The following RORA variants were observed in gnomAD, a reference collection of about 807,000 sequenced individuals.
RORA encodes nuclear receptor ROR-alpha.
Under a neutral mutation model 69.5 loss-of-function variants are expected in RORA, and 7 were observed. That is an observed-to-expected ratio of 0.10 (90% confidence interval 0.06 to 0.19). RORA has a LOEUF of 0.19. RORA is among the 10% of genes least tolerant of loss of function. RORA has a pLI of 1.00. For synonymous variants in RORA, 261 were observed against 240.8 expected, an observed-to-expected ratio of 1.08 and a Z score of -0.78; for missense variants, 457 against 663.0, an observed-to-expected ratio of 0.69 and a Z score of 3.41.
At chr15:60,810,575 C>T (rs2072729294) in intron 1 of RORA, among the ~76,000 whole-genome samples, 1 of 152,106 alleles carries the variant, frequency 6.6e-6, no homozygotes, top group South Asian at 2.1e-4. Context: ...TTTGCTTCTA[C>T]TCTTCAATTT....
intron 2 of RORA, among the ~76,000 whole-genome samples, chr15:60,666,093 T>A (rs2070376664): frequency 6.6e-6 from 1 of 152,088 alleles, no homozygotes; most frequent in African/African-American, 2.4e-5. Flanking sequence ...CACACTTATT[T>A]AAAATCTACG....
chr15:60,541,324 C>A (rs2066865181), intron 2 of RORA, among the ~76,000 whole-genome samples: 1 of 152,088 alleles, frequency 6.6e-6, no homozygotes, highest in African/African-American at 2.4e-5. Flanking sequence ...AATGGTATTT[C>A]AAAAAATTCT....
At chr15:60,743,884 G>A (rs947621569) in intron 1 of RORA, among the ~76,000 whole-genome samples, 1 of 152,094 alleles carries the variant, frequency 6.6e-6, no homozygotes, top group African/African-American at 2.4e-5. Flanking sequence ...ATTTTATCCT[G>A]GGCCTTATTT....
chr15:60,501,575 A>G (rs752963689), intron 8 of RORA, among the ~76,000 whole-genome samples: 4 of 152,238 alleles, frequency 2.6e-5, no homozygotes, highest in African/African-American at 9.6e-5. Context: ...TTCAGAGCCT[A>G]CACTTTTAAC....
intron 1 of RORA, among the ~76,000 whole-genome samples, chr15:60,907,285 G>A (rs1259569362): frequency 6.6e-6 from 1 of 152,128 alleles, no homozygotes; most frequent in East Asian, 1.9e-4. Context: ...GGCAGTCATT[G>A]GGGATTCATG....
chr15:60,524,778 C>CCTG (rs2141410581), intron 3 of RORA, among the ~76,000 whole-genome samples: 1 of 152,338 alleles, frequency 6.6e-6, no homozygotes, highest in South Asian at 2.1e-4. Flanking sequence ...ATGCTGAGCA[C>CCTG]CTGCTCCCTA....
chr15:60,513,216 C>T (rs947890824), intron 4 of RORA, among the ~76,000 whole-genome samples: 1 of 152,210 alleles, frequency 6.6e-6, no homozygotes, highest in East Asian at 1.9e-4. Flanking sequence ...GGTGGGGCTG[C>T]TCAGGCAGCA....
At position 61,018,174 on chromosome 15, in the gene RORA, G is replaced by A. The variant is rs569153967; in HGVS notation, c.166+210879C>T. Among the ~76,000 whole-genome samples, 379 of 152,192 alleles carry A rather than the reference G, an allele frequency of 2.5e-3. 1 individual carries two copies. Among genetic ancestry groups the A allele is most frequent in the Non-Finnish European group, 4.3e-3 (295 of 68,006 alleles). ...AAAAGTGATAAAATGGAACATCTTCGTAATTGTCCATAATCCAGGCTCCTT... is the reference window on the plus strand; with the variant it reads ...AAAAGTGATAAAATGGAACATCTTCATAATTGTCCATAATCCAGGCTCCTT... On this transcript the variant is annotated intron_variant, in intron 1 of 10. Transcript: ENST00000335670.
intron 1 of RORA, among the ~76,000 whole-genome samples, chr15:61,140,621 T>G (rs761437165): frequency 1.3e-5 from 2 of 151,718 alleles, no homozygotes; most frequent in Non-Finnish European, 2.9e-5. Context: ...GAACTAGAGA[T>G]CTACAAGGGG....
intron 1 of RORA, among the ~76,000 whole-genome samples, chr15:60,973,874 C>T (rs961812652): frequency 3.9e-5 from 6 of 152,314 alleles, no homozygotes; most frequent in South Asian, 4.1e-4. Context: ...CATGGGGCTG[C>T]GGAGCCCCAC....
At chr15:60,946,072 G>C (rs1892861725) in intron 1 of RORA, among the ~76,000 whole-genome samples, 1 of 152,100 alleles carries the variant, frequency 6.6e-6, no homozygotes, top group Admixed American at 6.5e-5. Context: ...CATTCCAAGG[G>C]GAGAGTGAAG....
At chr15:61,101,655 T>C (rs919888511) in intron 1 of RORA, among the ~76,000 whole-genome samples, 2 of 151,988 alleles carry the variant, frequency 1.3e-5, no homozygotes, top group African/African-American at 4.8e-5. Context: ...TAAAGGGCTT[T>C]TAATTTTGTC....
At chr15:60,535,178 T>A (rs562273207) in intron 2 of RORA, among the ~76,000 whole-genome samples, 27 of 152,298 alleles carry the variant, frequency 1.8e-4, no homozygotes, top group African/African-American at 5.3e-4. Flanking sequence ...ATGAGTTCTG[T>A]CAGACAGCAC....
chr15:61,142,339 T>G (rs2079307887), intron 1 of RORA, among the ~76,000 whole-genome samples: 1 of 152,146 alleles, frequency 6.6e-6, no homozygotes, highest in Admixed American at 6.6e-5. Context: ...CCATTTTGAA[T>G]AAGACAGTCC....
intron 1 of RORA, among the ~76,000 whole-genome samples, chr15:60,838,957 C>T (rs1485129573): frequency 6.6e-6 from 1 of 151,532 alleles, no homozygotes; most frequent in Non-Finnish European, 1.5e-5. Context: ...GGCGCGATCT[C>T]TCCTCACTGC....
Position 60,497,579 on chromosome 15 carries a change from C to A in RORA, c.1448G>T (p.Arg483Leu). ...KVSTLRALCG[R>L]HTEKLMAFKA... ...AAATGCCATTAGCTTTTCTGTATGTCGTCCACATAAGGCTCTTAAGGTAGA... is the reference window on the plus strand; with the variant it reads ...AAATGCCATTAGCTTTTCTGTATGTAGTCCACATAAGGCTCTTAAGGTAGA... The change falls in exon 11 of 11, where the codon CGA (arginine) becomes CTA (leucine). Residue 483 changes from arginine to leucine, a missense_variant. By Grantham distance (102) the Arg-to-Leu change is moderately radical. Coordinates refer to ENST00000335670, the MANE Select transcript of RORA (RefSeq NM_134261.3). 1 of 1,612,544 alleles carries A rather than the reference C, an allele frequency of 6.2e-7. No individual in the cohort carries two copies. Among genetic ancestry groups the A allele is most frequent in the Non-Finnish European group, 8.5e-7 (1 of 1,178,588 alleles).
At chr15:61,208,459 T>C (rs2079961383) in intron 1 of RORA, among the ~76,000 whole-genome samples, 1 of 152,232 alleles carries the variant, frequency 6.6e-6, no homozygotes, top group Non-Finnish European at 1.5e-5. Context: ...ATGGAAATGT[T>C]GAACTAGACT....
At chr15:60,940,666 G>A (rs537439472) in intron 1 of RORA, among the ~76,000 whole-genome samples, 38 of 152,302 alleles carry the variant, frequency 2.5e-4, no homozygotes, top group African/African-American at 8.7e-4. Flanking sequence ...ATTGTAGTCA[G>A]CCTGTAATCC....
At chr15:60,895,909 G>T (rs1462345772) in intron 1 of RORA, among the ~76,000 whole-genome samples, 1 of 152,212 alleles carries the variant, frequency 6.6e-6, no homozygotes, top group Non-Finnish European at 1.5e-5. Context: ...TTAAAAATGC[G>T]TAGGTGATTC....
Sources: allele counts gnomAD v4.1 joint callset (sites outside exome capture counted in the v4.1 genomes callset), GRCh38; gene constraint gnomAD v4.1.1; transcripts MANE v1.5; gene names NCBI Gene and HGNC (gene_info 2026-07-23, HGNC 2026-07-21).